The following MACROD2 variants were observed in gnomAD, a reference collection of about 807,000 sequenced individuals.
MACROD2 encodes ADP-ribose glycohydrolase MACROD2.
Under a neutral mutation model 70.4 loss-of-function variants are expected in MACROD2, and 36 were observed. The ratio of observed to expected loss-of-function variants is 0.51; its 90% CI spans 0.39 to 0.68. MACROD2 has a LOEUF of 0.68. MACROD2 is among the 30% of genes least tolerant of loss of function. MACROD2 has a pLI of 0.00. For synonymous variants in MACROD2, 172 were observed against 178.8 expected (o/e 0.96, Z 0.30); for missense variants, 496 against 538.4 (o/e 0.92, Z 0.78).
Position 15,653,841 on chromosome 20 carries a change from T to C in MACROD2, c.645+153994T>C, listed in dbSNP as rs141768578. Among the ~76,000 whole-genome samples, 39 of 152,306 alleles carry C rather than the reference T, an allele frequency of 2.6e-4. No homozygotes were observed. In the East Asian group the frequency reaches 6.8e-3, roughly 26 times the overall value. On this transcript the variant is annotated intron_variant, in intron 8 of 17. Transcript: ENST00000684519. ...ATACTGGAAAACTGGTAAGACCTTG[T>C]AACCCTCAGCATTCTTTTGCTATCT...
intron 8 of MACROD2, among the ~76,000 whole-genome samples, chr20:15,832,510 A>G (rs1039552497): frequency 6.6e-6 from 1 of 152,248 alleles, no homozygotes; most frequent in Non-Finnish European, 1.5e-5. Flanking sequence ...GAACTGTCCC[A>G]TGTAGACTGG....
chr20:14,999,543 G>A (rs945889347), intron 5 of MACROD2, among the ~76,000 whole-genome samples: 1 of 152,160 alleles, frequency 6.6e-6, no homozygotes, highest in African/African-American at 2.4e-5. Context: ...CTACTCAGGA[G>A]ACTGAGGTGA....
intron 5 of MACROD2, among the ~76,000 whole-genome samples, chr20:14,965,742 A>G (rs758478179): frequency 1.1e-4 from 17 of 151,596 alleles, no homozygotes; most frequent in Admixed American, 6.6e-4. Flanking sequence ...TGCTGGGATT[A>G]CGGGCGTGAG....
At chr20:14,463,028 G>T (rs1191698573) in intron 3 of MACROD2, among the ~76,000 whole-genome samples, 1 of 152,020 alleles carries the variant, frequency 6.6e-6, no homozygotes, top group African/African-American at 2.4e-5. Flanking sequence ...GCTGTATTTT[G>T]GTTCCATATG....
intron 3 of MACROD2, among the ~76,000 whole-genome samples, chr20:14,134,805 A>AC (rs1199146680): frequency 7.3e-5 from 11 of 150,730 alleles, no homozygotes; most frequent in African/African-American, 2.7e-4. Context: ...CCGTGTCAAA[A>AC]AAAAAAAAAA....
chr20:15,237,672 T>A (rs1437085872), intron 6 of MACROD2, among the ~76,000 whole-genome samples: 1 of 151,216 alleles, frequency 6.6e-6, no homozygotes, highest in Non-Finnish European at 1.5e-5. Context: ...CCAGGAGGAG[T>A]GGGAGTGTTA....
chr20:14,348,094 C>T (rs1256977726), intron 3 of MACROD2, among the ~76,000 whole-genome samples: 1 of 151,512 alleles, frequency 6.6e-6, no homozygotes, highest in African/African-American at 2.4e-5. Flanking sequence ...AAACCCTGTC[C>T]CTATCTCTAC....
intron 4 of MACROD2, among the ~76,000 whole-genome samples, chr20:14,507,213 T>A (rs903071833): frequency 3.3e-5 from 5 of 151,990 alleles, no homozygotes; most frequent in Non-Finnish European, 5.9e-5. Flanking sequence ...ATGGTTACAG[T>A]TGAGTTTTGG....
chr20:15,457,075 T>TAAA (rs1169271655), intron 7 of MACROD2, among the ~76,000 whole-genome samples: 1 of 90,754 alleles, frequency 1.1e-5, no homozygotes, highest in African/African-American at 4.1e-5. Context: ...TTTTTTTTTT[T>TAAA]AAAAAAAAAG....
intron 6 of MACROD2, among the ~76,000 whole-genome samples, chr20:15,418,515 GAGAC>G (rs974892725): frequency 1.3e-5 from 2 of 152,162 alleles, no homozygotes; most frequent in African/African-American, 4.8e-5. Flanking sequence ...ATTTCTCTCT[GAGAC>G]CGTCTGTGTT....
chr20:15,227,920 G>T (rs1049782234), intron 5 of MACROD2, among the ~76,000 whole-genome samples: 1 of 135,246 alleles, frequency 7.4e-6, no homozygotes, highest in Non-Finnish European at 1.5e-5. Context: ...ATAGAATTGT[G>T]TGTTATTCTG....
intron 3 of MACROD2, among the ~76,000 whole-genome samples, chr20:14,294,062 T>A (rs2082408004): frequency 6.6e-6 from 1 of 151,746 alleles, no homozygotes; most frequent in Admixed American, 6.6e-5. Context: ...ATGAGGAAAG[T>A]TAGATATTAG....
At chr20:15,769,366 C>T (rs1047858387) in intron 8 of MACROD2, among the ~76,000 whole-genome samples, 1 of 152,120 alleles carries the variant, frequency 6.6e-6, no homozygotes, top group Non-Finnish European at 1.5e-5. Flanking sequence ...AGGCTGGTCT[C>T]GAACTCCGAA....
At chr20:15,599,753 G>A (rs890785278) in intron 8 of MACROD2, among the ~76,000 whole-genome samples, 1 of 152,060 alleles carries the variant, frequency 6.6e-6, no homozygotes, top group African/African-American at 2.4e-5. Flanking sequence ...ACAGAAACAC[G>A]CAAATGCATG....
intron 7 of MACROD2, among the ~76,000 whole-genome samples, chr20:15,432,245 A>G (rs1269283293): frequency 6.6e-6 from 1 of 152,134 alleles, no homozygotes; most frequent in East Asian, 1.9e-4. Flanking sequence ...ACAATGAAGG[A>G]CTACCTAGAT....
chr20:14,081,729 G>A (rs2053997374), intron 2 of MACROD2, among the ~76,000 whole-genome samples: 1 of 152,196 alleles, frequency 6.6e-6, no homozygotes. Flanking sequence ...TATTTGCAAA[G>A]AATAGTTGGT....
intron 17 of MACROD2, among the ~76,000 whole-genome samples, chr20:16,047,163 C>G (rs1016219595): frequency 6.6e-6 from 1 of 152,124 alleles, no homozygotes; most frequent in African/African-American, 2.4e-5. Context: ...CACTGACTCC[C>G]ACAGCAATAT....
At chr20:15,578,915 CAGAT>C (rs1747669958) in intron 8 of MACROD2, among the ~76,000 whole-genome samples, 2 of 152,116 alleles carry the variant, frequency 1.3e-5, no homozygotes, top group African/African-American at 4.8e-5. Flanking sequence ...GACAGATAAA[CAGAT>C]AGATATAGCG....
intron 15 of MACROD2, among the ~76,000 whole-genome samples, chr20:16,035,968 G>A (rs964856823): frequency 3.5e-5 from 5 of 142,936 alleles, no homozygotes; most frequent in African/African-American, 1.1e-4. Context: ...CCAGCATCAA[G>A]AGAGAGTGAA....
Sources: allele counts gnomAD v4.1 joint callset (sites outside exome capture counted in the v4.1 genomes callset), GRCh38; gene constraint gnomAD v4.1.1; transcripts MANE v1.5; gene names NCBI Gene and HGNC (gene_info 2026-07-23, HGNC 2026-07-21).